Variants in ITFG1 observed in about 807,000 individuals in gnomAD.
The protein encoded by ITFG1 is integrin alpha FG-GAP repeat containing 1.
ITFG1 carries 34 observed loss-of-function variants against 81.8 expected under a neutral mutation model. The observed-to-expected ratio is 0.42, with a 90% CI of 0.32 to 0.55. The LOEUF (loss-of-function observed/expected upper bound fraction) is 0.55, where lower values mean the gene tolerates loss of function less well. ITFG1 is among the 20% of genes least tolerant of loss of function. The pLI, the probability that ITFG1 is intolerant of heterozygous loss-of-function variation, is 0.17. For missense variants in ITFG1, 672 were observed against 755.4 expected (o/e 0.89, Z 1.29); for synonymous variants, 285 against 270.6 (o/e 1.05, Z -0.52).
At chr16:47,268,683 A>G (rs1433339756) in intron 10 of ITFG1, among the ~76,000 whole-genome samples, 1 of 152,202 alleles carries the variant, frequency 6.6e-6, no homozygotes, top group Non-Finnish European at 1.5e-5. Context: ...CATTTTTTGA[A>G]CCATGTCTCT....
intron 12 of ITFG1, among the ~76,000 whole-genome samples, chr16:47,242,923 T>C (rs905187407): frequency 7.2e-5 from 11 of 152,190 alleles, no homozygotes; most frequent in African/African-American, 2.7e-4. Context: ...CTGCGTGTAA[T>C]TGCATGGGTA....
intron 10 of ITFG1, chr16:47,299,998 G>C (rs996203802): frequency 6.6e-6 from 1 of 152,368 alleles, no homozygotes; most frequent in African/African-American, 2.4e-5. Flanking sequence ...TTCAGAAAGG[G>C]CATGGGATGT....
In ITFG1 at chr16:47,258,676, A is replaced by T; in HGVS notation, c.1286T>A (p.Leu429Gln). ...AGCATCTGCTTCAAAGTTATTTTTT[A>T]GTGTATGAATGGCAAAATCATTCTT... ...YTKNDFAIHT[L>Q]KNNFEADAYF... is the part of the protein sequence containing the mutation. Residue 429 changes from leucine (L) to glutamine (Q), a missense_variant, in exon 12 of 18, where the codon CTA becomes CAA. Transcript: ENST00000320640. The T allele has an allele frequency of 1.3e-6, 2 of 1,543,948 alleles. No individual in the cohort carries two copies. Among genetic ancestry groups the T allele is most frequent in the Non-Finnish European group, 1.8e-6 (2 of 1,128,864 alleles).
intron 17 of ITFG1, among the ~76,000 whole-genome samples, chr16:47,158,013 C>T (rs529143850): frequency 4.3e-4 from 65 of 152,090 alleles, no homozygotes; most frequent in Admixed American, 3.9e-3. Context: ...GTTTTGTTTT[C>T]AATTATTATT....
intron 14 of ITFG1, among the ~76,000 whole-genome samples, chr16:47,205,344 G>T (rs892797980): frequency 6.6e-6 from 1 of 152,146 alleles, no homozygotes; most frequent in Non-Finnish European, 1.5e-5. Context: ...TGCAGACATT[G>T]TCAAATGTCT....
At chr16:47,431,953 T>C (rs1160530748) in intron 5 of ITFG1, among the ~76,000 whole-genome samples, 1 of 152,212 alleles carries the variant, frequency 6.6e-6, no homozygotes, top group Non-Finnish European at 1.5e-5. Flanking sequence ...ATCAGCTTTC[T>C]CCAAAAGATC....
chr16:47,351,843 T>G (rs1967961773), intron 8 of ITFG1, among the ~76,000 whole-genome samples: 1 of 152,108 alleles, frequency 6.6e-6, no homozygotes, highest in Admixed American at 6.6e-5. Flanking sequence ...ACAACAGCCA[T>G]GTACTGGTAC....
chr16:47,168,545 GTTTTTT>G (rs758632507), intron 14 of ITFG1, among the ~76,000 whole-genome samples: 6 of 117,652 alleles, frequency 5.1e-5, no homozygotes, highest in Admixed American at 1.7e-4. Context: ...CTAATTAAAA[GTTTTTT>G]TTTTTTTTTT....
chr16:47,313,128 A>G (rs979096710), intron 9 of ITFG1: 1 of 152,270 alleles, frequency 6.6e-6, no homozygotes, highest in Non-Finnish European at 1.5e-5. Context: ...GGCCAGTTAA[A>G]TGCTTTTAGA....
chr16:47,320,192 T>C (rs1353703368), intron 8 of ITFG1, among the ~76,000 whole-genome samples: 1 of 152,246 alleles, frequency 6.6e-6, no homozygotes, highest in Admixed American at 6.5e-5. Flanking sequence ...TAAGTGAAAA[T>C]GATATCTCAC....
intron 6 of ITFG1, among the ~76,000 whole-genome samples, chr16:47,427,718 G>C (rs1291636924): frequency 6.6e-6 from 1 of 152,234 alleles, no homozygotes; most frequent in Admixed American, 6.5e-5. Flanking sequence ...CAGCACAGAT[G>C]TGTACAGCAC....
chr16:47,373,587 C>T (rs902551017), intron 7 of ITFG1, among the ~76,000 whole-genome samples: 1 of 152,104 alleles, frequency 6.6e-6, no homozygotes, highest in African/African-American at 2.4e-5. Context: ...GGCCTAAATA[C>T]CACATCTTTC....
At chr16:47,449,370 C>T (rs530012618) in intron 5 of ITFG1, 2 of 152,326 alleles carry the variant, frequency 1.3e-5, no homozygotes, top group East Asian at 1.9e-4. Context: ...CACCTATGTA[C>T]ATATCTTATC....
intron 17 of ITFG1, among the ~76,000 whole-genome samples, chr16:47,158,186 C>G (rs1964744899): frequency 6.6e-6 from 1 of 152,162 alleles, no homozygotes; most frequent in Non-Finnish European, 1.5e-5. Flanking sequence ...CCTCAACTTT[C>G]TGGGCTCAGG....
intron 5 of ITFG1, chr16:47,449,532 A>C (rs1969363344): frequency 6.6e-6 from 1 of 152,256 alleles, no homozygotes; most frequent in Middle Eastern, 3.2e-3. Flanking sequence ...AATTTCTGTC[A>C]GCTTATATAT....
At chr16:47,439,285 C>T (rs796981531) in intron 5 of ITFG1, among the ~76,000 whole-genome samples, 7 of 152,314 alleles carry the variant, frequency 4.6e-5, no homozygotes, top group African/African-American at 1.7e-4. Flanking sequence ...AGGAGAACTT[C>T]CCCGATCTAG....
At chr16:47,410,720 C>A (rs1306333331) in intron 6 of ITFG1, among the ~76,000 whole-genome samples, 1 of 152,158 alleles carries the variant, frequency 6.6e-6, no homozygotes, top group African/African-American at 2.4e-5. Flanking sequence ...CCTCTCGGAT[C>A]TTGGCTACAA....
chr16:47,347,893 C>T (rs1354215773), intron 8 of ITFG1, among the ~76,000 whole-genome samples: 4 of 152,272 alleles, frequency 2.6e-5, no homozygotes, highest in African/African-American at 7.2e-5. Flanking sequence ...CAGCAATATT[C>T]GCTGTTCAGC....
intron 14 of ITFG1, among the ~76,000 whole-genome samples, chr16:47,203,572 C>T (rs374935104): frequency 2.0e-5 from 3 of 152,168 alleles, no homozygotes; most frequent in African/African-American, 7.2e-5. Flanking sequence ...TCATAAGGAG[C>T]GTGCAGCCCA....
Sources: gnomAD v4.1 joint callset for allele counts (sites outside exome capture counted in the v4.1 genomes callset) on GRCh38, gnomAD v4.1.1 for gene constraint, MANE v1.5 for transcripts, NCBI Gene and HGNC (gene_info 2026-07-23, HGNC 2026-07-21) for gene names.